The following AKAP13 variants were observed in gnomAD, a reference collection of about 807,000 sequenced individuals.
AKAP13 encodes the protein A-kinase anchoring protein 13.
A neutral mutation model predicts 264.5 loss-of-function variants in AKAP13; 80 were observed. The ratio of observed to expected loss-of-function variants is 0.30; its 90% CI spans 0.25 to 0.36. The LOEUF is 0.36. Ranked by LOEUF, AKAP13 falls within the 10% of genes least tolerant of loss-of-function variation. The pLI, the probability that AKAP13 is intolerant of heterozygous loss-of-function variation, is 1.00. For synonymous variants in AKAP13, 1,380 were observed against 1,250.2 expected (o/e 1.10, Z -2.19); for missense variants, 3,712 against 3,435.2 (o/e 1.08, Z -2.01).
intron 17 of AKAP13, among the ~76,000 whole-genome samples, chr15:85,698,634 A>C (rs2085711858): frequency 6.6e-6 from 1 of 151,098 alleles, no homozygotes; most frequent in Non-Finnish European, 1.5e-5. Context: ...GATGGATGTG[A>C]CTGTGTTCCA....
intron 2 of AKAP13, among the ~76,000 whole-genome samples, chr15:85,519,542 T>TTG (rs2076736158): frequency 6.6e-6 from 1 of 152,236 alleles, no homozygotes; most frequent in Admixed American, 6.5e-5. Context: ...TTTTAACTGG[T>TTG]TGCATCATGC....
At chr15:85,607,492 A>G (rs1291896601) in intron 8 of AKAP13, among the ~76,000 whole-genome samples, 1 of 151,832 alleles carries the variant, frequency 6.6e-6, no homozygotes, top group Non-Finnish European at 1.5e-5. Context: ...CTTTATTTTT[A>G]TCCCCATTTT....
chr15:85,664,209 A>C (rs1047427424), intron 12 of AKAP13, among the ~76,000 whole-genome samples: 1 of 152,268 alleles, frequency 6.6e-6, no homozygotes, highest in Non-Finnish European at 1.5e-5. Flanking sequence ...TAGTAGAGTT[A>C]GATTCACAAA....
intron 1 of AKAP13, among the ~76,000 whole-genome samples, chr15:85,434,943 C>G (rs1363812254): frequency 1.3e-5 from 2 of 151,438 alleles, no homozygotes; most frequent in African/African-American, 4.9e-5. Context: ...CGCAGTTCCT[C>G]ACCAGCAACG....
At chr15:85,424,797 C>A (rs2072693089) in intron 1 of AKAP13, among the ~76,000 whole-genome samples, 1 of 152,146 alleles carries the variant, frequency 6.6e-6, no homozygotes, top group African/African-American at 2.4e-5. Context: ...GTGATTCTTC[C>A]TTTCACTTGA....
At chr15:85,649,189 T>C (rs1205267883) in intron 10 of AKAP13, among the ~76,000 whole-genome samples, 1 of 152,200 alleles carries the variant, frequency 6.6e-6, no homozygotes, top group Admixed American at 6.5e-5. Context: ...GTGGGTGGTT[T>C]TATGCTCTTG....
chr15:85,579,354 C>A lies in AKAP13; in HGVS notation c.1286C>A (p.Ser429Tyr). ...GNRNEETGTKSSGMPTDQESL... is the reference protein window; with the variant it reads ...GNRNEETGTKYSGMPTDQESL... ...AGAAATGAAGAAACTGGAACAAAATCTTCTGGAATGCCCACAGACCAGGAG... is the reference window on the plus strand; with the variant it reads ...AGAAATGAAGAAACTGGAACAAAATATTCTGGAATGCCCACAGACCAGGAG... Residue 429 changes from serine (S) to tyrosine (Y), a missense_variant, in exon 7 of 37, where the codon TCT (serine) becomes TAT (tyrosine). Physicochemically the swap from Ser to Tyr is moderately radical, Grantham distance 144 (BLOSUM62 -2). This residue lies in a region of AKAP13 where 2,759 missense variants were observed against 2,411.7 expected (regional missense o/e 1.14). Coordinates refer to ENST00000394518, the MANE Select transcript of AKAP13 (RefSeq NM_007200.5). 1 of 1,614,228 alleles carries A rather than the reference C, an allele frequency of 6.2e-7. No homozygotes were observed. The highest frequency in any genetic ancestry group is 8.5e-7 in the Non-Finnish European group (1 of 1,180,044).
chr15:85,618,479 T>G (rs2081038045), intron 8 of AKAP13, among the ~76,000 whole-genome samples: 1 of 152,132 alleles, frequency 6.6e-6, no homozygotes, highest in African/African-American at 2.4e-5. Flanking sequence ...CCTTTTTCTT[T>G]TGTTTCTTCA....
intron 16 of AKAP13, among the ~76,000 whole-genome samples, chr15:85,688,265 T>C (rs887170067): frequency 1.3e-5 from 2 of 152,184 alleles, no homozygotes; most frequent in Non-Finnish European, 2.9e-5. Context: ...TTCTCCATAA[T>C]GTTAACAAAT....
intron 8 of AKAP13, among the ~76,000 whole-genome samples, chr15:85,616,952 C>T (rs2080962140): frequency 6.6e-6 from 1 of 152,164 alleles, no homozygotes; most frequent in African/African-American, 2.4e-5. Flanking sequence ...CTTTAATATG[C>T]AGAAAGAGCA....
intron 1 of AKAP13, among the ~76,000 whole-genome samples, chr15:85,438,858 A>G (rs2073469390): frequency 6.6e-6 from 1 of 150,694 alleles, no homozygotes; most frequent in Non-Finnish European, 1.5e-5. Flanking sequence ...CTAAAACCAT[A>G]AAAACCCTAG....
At chr15:85,398,921 A>G (rs2071252288) in intron 1 of AKAP13, among the ~76,000 whole-genome samples, 4 of 152,188 alleles carry the variant, frequency 2.6e-5, no homozygotes, top group Admixed American at 2.6e-4. Flanking sequence ...TTATTTGAAT[A>G]GGTTGTGTAT....
intron 9 of AKAP13, among the ~76,000 whole-genome samples, chr15:85,641,359 T>G (rs757564202): frequency 8.0e-5 from 12 of 150,268 alleles, no homozygotes; most frequent in South Asian, 4.2e-4. Flanking sequence ...GGCAGAAGAA[T>G]CACTTGAACC....
At chr15:85,600,488 A>G (rs1305496272) in intron 8 of AKAP13, among the ~76,000 whole-genome samples, 1 of 152,194 alleles carries the variant, frequency 6.6e-6, no homozygotes, top group African/African-American at 2.4e-5. Context: ...TTAGATATAC[A>G]CAATTACTTG....
chr15:85,503,328 T>C (rs144962945), intron 2 of AKAP13, among the ~76,000 whole-genome samples: 173 of 152,322 alleles, frequency 1.1e-3, no homozygotes, highest in African/African-American at 3.8e-3. Context: ...AATACACAGC[T>C]GGTAACAAGG....
At chr15:85,651,963 G>C (rs1443620745) in intron 10 of AKAP13, among the ~76,000 whole-genome samples, 1 of 152,162 alleles carries the variant, frequency 6.6e-6, no homozygotes, top group Non-Finnish European at 1.5e-5. Flanking sequence ...CACCAGTGAT[G>C]TTTTGTTTTC....
Position 85,723,135 on chromosome 15 carries a change from C to G in AKAP13, c.6560C>G (p.Ala2187Gly). ...SLSLVKDVIG[A>G]VDSKVASYEK... ...AGCCTGGTGAAGGATGTGATTGGAG[C>G]TGTAGACAGCAAAGTGGCAAGTTAT... Residue 2187 changes from alanine to glycine, a missense_variant, in exon 26 of 37, where the codon GCT becomes GGT. Physicochemically the swap from Ala to Gly is moderately conservative, Grantham distance 60 (BLOSUM62 0). Transcript: ENST00000394518. 2.5e-6 allele frequency: 4 copies of G among 1,614,138 alleles called. No individual in the cohort carries two copies. The highest frequency in any genetic ancestry group is 3.4e-6 in the Non-Finnish European group (4 of 1,180,002).
At chr15:85,563,366 A>C (rs2078483932) in intron 5 of AKAP13, among the ~76,000 whole-genome samples, 1 of 131,724 alleles carries the variant, frequency 7.6e-6, no homozygotes, top group South Asian at 2.3e-4. Flanking sequence ...AAGACGGAGA[A>C]TGAGAATTTG....
chr15:85,723,767 G>A (rs1056816613), intron 26 of AKAP13, among the ~76,000 whole-genome samples: 1 of 152,104 alleles, frequency 6.6e-6, no homozygotes, highest in Non-Finnish European at 1.5e-5. Context: ...GATGTTAGAG[G>A]AGTTTGCAGC....
Sources: allele counts gnomAD v4.1 joint callset (sites outside exome capture counted in the v4.1 genomes callset), GRCh38; gene constraint gnomAD v4.1.1; regional missense constraint gnomAD v4.1.1; transcripts MANE v1.5; gene names NCBI Gene and HGNC (gene_info 2026-07-23, HGNC 2026-07-21).